The following LRRC57 variants were observed in gnomAD, a reference collection of about 807,000 sequenced individuals.
The protein encoded by LRRC57 is leucine rich repeat containing 57, also known as leucine-rich repeat-containing protein 57.
A neutral mutation model predicts 23.1 loss-of-function variants in LRRC57; 14 were observed. That is an observed-to-expected ratio of 0.61 (90% CI 0.40 to 0.95). The LOEUF (loss-of-function observed/expected upper bound fraction) is 0.95. LRRC57 is among the 40% of genes least tolerant of loss of function. The pLI, the probability that LRRC57 is intolerant of heterozygous loss-of-function variation, is 0.00. For missense variants in LRRC57, 236 were observed against 284.4 expected (o/e 0.83, Z 1.22); for synonymous variants, 106 against 115.2 (o/e 0.92, Z 0.51).
At position 42,538,097 on chromosome 15, in the gene LRRC57, T is replaced by C. The variant is rs2057609975; in HGVS notation, c.*5986A>G. The C allele has an allele frequency of 6.6e-6, 1 of 152,202 alleles. No homozygotes were observed. The highest frequency in any genetic ancestry group is 2.4e-5 in the African/African-American group (1 of 41,452). 9.4% of individuals were successfully genotyped at this position (152,202 alleles called of 1,614,324 possible). On this transcript the variant is annotated 3_prime_UTR_variant, in exon 6 of 6. Coordinates refer to ENST00000397130, the MANE Select transcript of LRRC57 (RefSeq NM_153260.3). ...TAAATGTTTGAGATAATGAATAACA[T>C]AAATATCCTGACTTGATCATTATAC...
chr15:42,547,620 C>A, intron 3 of LRRC57, 91 bp from the exon 4 acceptor site: 2 of 1,180,354 alleles, frequency 1.7e-6, no homozygotes, highest in Non-Finnish European at 2.4e-6. Flanking sequence ...CAGCCTGCTT[C>A]GCCTCTTGTT....
chr15:42,534,163 C>T (rs2057587949), downstream of LRRC57, among the ~76,000 whole-genome samples: 1 of 152,204 alleles, frequency 6.6e-6, no homozygotes, highest in Admixed American at 6.5e-5. Context: ...AGGAGTCTTG[C>T]TCTGTCATCC....
chr15:42,548,399 C>T lies in LRRC57; in HGVS notation c.36G>A (p.Thr12=). 6.2e-7 allele frequency: 1 copy of T among 1,614,186 alleles called. No homozygotes were observed. The highest frequency in any genetic ancestry group is 1.3e-5 in the African/African-American group (1 of 75,064). The change falls in exon 2 of 6, where the codon ACG becomes ACA. Residue 12 remains threonine (T), a synonymous_variant. Transcript: ENST00000397130. ...GCTGAAAGACACCAGTTTTCTGCGC[C>T]GTTTCCACATGAGCGCGGAGCGCAC... ...GNSALRAHVE[T]AQKTGVFQLK...
chr15:42,543,158 C>G lies in LRRC57; in HGVS notation c.*925G>C, dbSNP rs566496597. ...TGCTGGGATTACAGGCGTGAGTCGC[C>G]GTGCCCAGCCAACAAAGCGTACTTT... On this transcript the variant is annotated 3_prime_UTR_variant, in exon 6 of 6. Coordinates refer to ENST00000397130, the MANE Select transcript of LRRC57 (RefSeq NM_153260.3). 5 of 151,582 alleles carry G rather than the reference C, an allele frequency of 3.3e-5. No homozygotes were observed. Among genetic ancestry groups the G allele is most frequent in the Admixed American group, 1.3e-4 (2 of 15,210 alleles). The allele number at this position is 151,582 out of a possible 1,614,324, so 9.4% of individuals were successfully genotyped here.
the LRRC57 span, chr15:42,528,342 C>A: frequency 6.2e-7 from 1 of 1,614,102 alleles, no homozygotes; most frequent in Non-Finnish European, 8.5e-7. Flanking sequence ...AATGTAGTAT[C>A]TAAACAGCCA....
At chr15:42,548,614 A>C in intron 1 of LRRC57, 79 bp downstream of exon 1, 1 of 653,806 alleles carries the variant, frequency 1.5e-6, no homozygotes, top group Non-Finnish European at 2.6e-6. Flanking sequence ...CCCGACCACC[A>C]AGCCCTGCCG....
rs368745250 is a variant in LRRC57, at chr15:42,541,870, C to G, written c.*2213G>C. 6.6e-6 allele frequency: 1 copy of G among 151,720 alleles called. No individual in the cohort carries two copies. Among genetic ancestry groups the G allele is most frequent in the East Asian group, 1.9e-4 (1 of 5,172 alleles). 9.4% of individuals were successfully genotyped at this position (151,720 alleles called of 1,614,324 possible). ...CGCCTCCCGGGTTCACGCCATTCTC[C>G]TGCCTCAGCCTCCCATGTAGCTGAG... On this transcript the variant is annotated 3_prime_UTR_variant, in exon 6 of 6. Coordinates refer to ENST00000397130, the MANE Select transcript of LRRC57 (RefSeq NM_153260.3).
At chr15:42,545,449 G>A (rs113689799) in intron 4 of LRRC57, 187 bp from the exon 5 acceptor site, 150 of 375,248 alleles carry the variant, frequency 4.0e-4, no homozygotes, top group Middle Eastern at 2.1e-3. Flanking sequence ...CTGTTACTAC[G>A]CCCCCACTTA....
At chr15:42,533,883 C>G (rs1207576445), downstream of LRRC57, among the ~76,000 whole-genome samples, 1 of 152,180 alleles carries the variant, frequency 6.6e-6, no homozygotes, top group African/African-American at 2.4e-5. Context: ...ATTAAATGTG[C>G]AATAGCATTA....
downstream of LRRC57, among the ~76,000 whole-genome samples, chr15:42,537,254 C>CACACACAT (rs770231697): frequency 1.3e-5 from 2 of 151,364 alleles, no homozygotes; most frequent in African/African-American, 4.9e-5. Context: ...CACACACACA[C>CACACACAT]ACACACACAC....
Position 42,548,685 on chromosome 15 carries a change from G to C in LRRC57, c.-23+8C>G. On this transcript the variant is annotated splice_region_variant and intron_variant, in intron 1 of 5. Coordinates refer to ENST00000397130, the MANE Select transcript of LRRC57 (RefSeq NM_153260.3). ...AGCCTACGGAAGATCAGGGAGCCCC[G>C]GACTCGCCTCCCACCGCTCAGCTGC... 1.6e-6 allele frequency: 1 copy of C among 621,942 alleles called. No homozygotes were observed. The highest frequency in any genetic ancestry group is 2.8e-6 in the Non-Finnish European group (1 of 357,262). The allele number at this position is 621,942 out of a possible 1,614,324, so 38.5% of individuals were successfully genotyped here.
At position 42,544,842 on chromosome 15, in the gene LRRC57, C is replaced by CAATATATATATATATATATATATATATA; in HGVS notation, c.678+234_678+235insTATATATATATATATATATATATATATT. 8.0e-3 allele frequency among the ~76,000 whole-genome samples: 787 copies of CAATATATATATATATATATATATATATA among 97,776 alleles called. 41 individuals are homozygous for CAATATATATATATATATATATATATATA. Among genetic ancestry groups the CAATATATATATATATATATATATATATA allele is most frequent in the Non-Finnish European group, 0.01 (539 of 51,772 alleles). 64.1% of individuals were successfully genotyped at this position (97,776 alleles called of 152,430 possible). On this transcript the variant is annotated intron_variant, in intron 5 of 5. Coordinates refer to ENST00000397130, the MANE Select transcript of LRRC57 (RefSeq NM_153260.3). ...ACACACACACACACACACACACACA[C>CAATATATATATATATATATATATATATA]TATATATATATATATATCAAAAGAC... is the stretch of plus-strand genomic sequence containing the variant.
chr15:42,539,081 T>C lies in LRRC57; in HGVS notation c.*5002A>G, dbSNP rs1326831179. 1 of 152,028 alleles carries C rather than the reference T, an allele frequency of 6.6e-6. No homozygotes were observed. Among genetic ancestry groups the C allele is most frequent in the African/African-American group, 2.4e-5 (1 of 41,374 alleles). The allele number at this position is 152,028 out of a possible 1,614,324, so 9.4% of individuals were successfully genotyped here. ...CTGTAGCTCCAGCTACTTAAGAGGC[T>C]GAGGTGGGAGGAGATAGCTTGAGCC... On this transcript the variant is annotated 3_prime_UTR_variant, in exon 6 of 6. Coordinates refer to ENST00000397130, the MANE Select transcript of LRRC57 (RefSeq NM_153260.3).
Position 42,543,957 on chromosome 15 carries a change from A to T in LRRC57, c.*126T>A. On this transcript the variant is annotated 3_prime_UTR_variant, in exon 6 of 6. Transcript: ENST00000397130. The stretch of plus-strand genomic sequence containing the variant: ...GAGAAAAGATCATTGAGTGAAATAT[A>T]ATCTCCTGAAGTATCATCTCCTTAC... 1 of 611,610 alleles carries T rather than the reference A, an allele frequency of 1.6e-6. No individual in the cohort carries two copies. The highest frequency in any genetic ancestry group is 2.9e-6 in the Non-Finnish European group (1 of 346,016). The allele number at this position is 611,610 out of a possible 1,614,324, so 37.9% of individuals were successfully genotyped here.
Position 42,541,378 on chromosome 15 carries a change from C to T in LRRC57, c.*2705G>A, listed in dbSNP as rs779225663. 1 of 152,124 alleles carries T rather than the reference C, an allele frequency of 6.6e-6. No homozygotes were observed. Among genetic ancestry groups the T allele is most frequent in the South Asian group, 2.1e-4 (1 of 4,822 alleles). The allele number at this position is 152,124 out of a possible 1,614,324, so 9.4% of individuals were successfully genotyped here. ...AATGAGCTGGGTGTGGTGGTGCATG[C>T]CTGTAATCCCAATTACTCAGGAGAA... On this transcript the variant is annotated 3_prime_UTR_variant, in exon 6 of 6. Coordinates refer to ENST00000397130, the MANE Select transcript of LRRC57 (RefSeq NM_153260.3).
At chr15:42,528,500 C>G in the LRRC57 span, 1 of 1,296,878 alleles carries the variant, frequency 7.7e-7, no homozygotes, top group Non-Finnish European at 1.1e-6. Context: ...AGTACATGAC[C>G]CCTAATAAAA....
In LRRC57 at chr15:42,543,957, A is replaced by C. The variant is rs2057643792; in HGVS notation, c.*126T>G. On this transcript the variant is annotated 3_prime_UTR_variant, in exon 6 of 6. Coordinates refer to ENST00000397130, the MANE Select transcript of LRRC57 (RefSeq NM_153260.3). ...GAGAAAAGATCATTGAGTGAAATAT[A>C]ATCTCCTGAAGTATCATCTCCTTAC... 4.9e-6 allele frequency: 3 copies of C among 611,492 alleles called. No individual in the cohort carries two copies. In the South Asian group the frequency reaches 8.5e-5, roughly 17 times the overall value. The allele number at this position is 611,492 out of a possible 1,614,324, so 37.9% of individuals were successfully genotyped here. A position where few individuals can be genotyped will look rare whatever the true frequency, so the allele number is the denominator to read the frequency against.
intron 5 of LRRC57, 30 bp downstream of exon 5, chr15:42,545,047 C>T (rs775116351): frequency 3.3e-6 from 5 of 1,493,932 alleles, no homozygotes; most frequent in Non-Finnish European, 4.5e-6. Context: ...GGGGTAGTGA[C>T]TAGAAATGCA....
At position 42,542,834 on chromosome 15, in the gene LRRC57, T is replaced by TA. The variant is rs2057637242; in HGVS notation, c.*1248dup. 1 of 152,662 alleles carries TA rather than the reference T, an allele frequency of 6.6e-6. No individual in the cohort carries two copies. Among genetic ancestry groups the TA allele is most frequent in the Admixed American group, 6.5e-5 (1 of 15,270 alleles). 9.5% of individuals were successfully genotyped at this position (152,662 alleles called of 1,614,324 possible). A position where few individuals can be genotyped will look rare whatever the true frequency, so the allele number is the denominator to read the frequency against. ...TACCGCAGCCTTAGAGAGCAGTTCT[T>TA]AGAGGTCTGCTGGTGCTTCTCTTGA... On this transcript the variant is annotated 3_prime_UTR_variant, in exon 6 of 6. Coordinates refer to ENST00000397130, the MANE Select transcript of LRRC57 (RefSeq NM_153260.3).
Sources: gnomAD v4.1 joint callset for allele counts (sites outside exome capture counted in the v4.1 genomes callset) on GRCh38, gnomAD v4.1.1 for gene constraint, MANE v1.5 for transcripts, NCBI Gene and HGNC (gene_info 2026-07-23, HGNC 2026-07-21) for gene names.